Variants in ZNF676 observed in about 807,000 individuals in gnomAD.
ZNF676 encodes zinc finger protein 676.
In ZNF676, 4 loss-of-function variants were observed where a neutral mutation model predicts 6.0. That is an observed-to-expected ratio of 0.67 (90% CI 0.33 to 1.53). The LOEUF is 1.53. Among genes scored for constraint, ZNF676 ranks in the 40% most tolerant of loss-of-function variants. The probability of loss-of-function intolerance (pLI) is 0.06; values close to 1 mark genes in which losing one functional copy is unlikely to be tolerated. For synonymous variants in ZNF676, 198 were observed against 223.1 expected (o/e 0.89, Z 1.00); for missense variants, 644 against 679.7 (o/e 0.95, Z 0.58).
At chr19:22,183,830 A>T (rs2023794707) in intron 2 of ZNF676, among the ~76,000 whole-genome samples, 2 of 152,190 alleles carry the variant, frequency 1.3e-5, no homozygotes, top group African/African-American at 2.4e-5. Flanking sequence ...CATATTTTAT[A>T]AAATGCACTT....
rs1320610940 is a variant in ZNF676 at position 22,210,429 on chromosome 19, A to C, written c.3+5203T>G. 2.0e-5 allele frequency among the ~76,000 whole-genome samples: 3 copies of C among 152,136 alleles called. No homozygotes were observed. The East Asian group carries it at 5.8e-4, about 29-fold the overall frequency. On this transcript the variant is annotated intron_variant, in intron 1 of 3. Coordinates refer to the ZNF676 transcript ENST00000650058. The stretch of plus-strand genomic sequence containing the variant: ...TCCCATAACCTTTTTGAAATTCAGT[A>C]ATCTGATACAGCTACTCACAGAACT...
At chr19:22,214,504 C>T (rs536014922) in intron 1 of ZNF676, among the ~76,000 whole-genome samples, 1 of 147,960 alleles carries the variant, frequency 6.8e-6, no homozygotes, top group Non-Finnish European at 1.5e-5. Context: ...GAGGCTGAGG[C>T]AGGAGAATCG....
At chr19:22,205,315 C>A (rs1353376002) in intron 1 of ZNF676, among the ~76,000 whole-genome samples, 1 of 152,092 alleles carries the variant, frequency 6.6e-6, no homozygotes, top group Non-Finnish European at 1.5e-5. Flanking sequence ...TCCTAATAGA[C>A]ATCTACAGAA....
the ZNF676 span, among the ~76,000 whole-genome samples, chr19:22,258,815 C>T: frequency 6.6e-6 from 1 of 152,038 alleles, no homozygotes; most frequent in African/African-American, 2.4e-5. Flanking sequence ...TATCTGTGAC[C>T]TGAGCCCAGG....
the ZNF676 span, chr19:22,244,545 G>C: frequency 6.6e-6 from 1 of 152,204 alleles, no homozygotes; most frequent in Admixed American, 6.5e-5. Context: ...CATCACCTGG[G>C]TGCTGTATGA....
chr19:22,201,572 A>T (rs1284797573), upstream of ZNF676, among the ~76,000 whole-genome samples: 2 of 152,132 alleles, frequency 1.3e-5, no homozygotes, highest in South Asian at 2.1e-4. Context: ...GCTCTAGAAC[A>T]TTCTAAATAA....
At chr19:22,182,593 A>AAAAAAAAAAAAAAAGC (rs1356303631) in intron 2 of ZNF676, among the ~76,000 whole-genome samples, 5 of 90,928 alleles carry the variant, frequency 5.5e-5, no homozygotes, top group Non-Finnish European at 6.3e-5. Flanking sequence ...TCTAAAAAAA[A>AAAAAAAAAAAAAAAGC]AAAAAAAAAG....
At chr19:22,232,409 G>A in the ZNF676 span, among the ~76,000 whole-genome samples, 1 of 152,078 alleles carries the variant, frequency 6.6e-6, no homozygotes, top group South Asian at 2.1e-4. Flanking sequence ...CTTGTGATCT[G>A]CCTGCCTTGT....
At chr19:22,216,415 A>G (rs541452587), upstream of ZNF676, among the ~76,000 whole-genome samples, 1 of 150,724 alleles carries the variant, frequency 6.6e-6, no homozygotes, top group African/African-American at 2.4e-5. Context: ...GGCCTGGGCA[A>G]CAAGAGTGAA....
At chr19:22,228,256 C>T in the ZNF676 span, among the ~76,000 whole-genome samples, 26 of 152,240 alleles carry the variant, frequency 1.7e-4, no homozygotes, top group South Asian at 2.9e-3. Context: ...ACAAAAACCA[C>T]GTGATTATCT....
At chr19:22,196,558 C>T (rs1174349008) in intron 1 of ZNF676, 42 bp downstream of exon 1, 1 of 1,613,194 alleles carries the variant, frequency 6.2e-7, no homozygotes. Flanking sequence ...AAAATGAAAC[C>T]TGTAGTATAT....
At position 22,180,211 on chromosome 19, in the gene ZNF676, C is replaced by T. The variant is rs754118547; in HGVS notation, c.1506G>A (p.Glu502=). ...CACATTCTTCACATTTGTAGCGTTT[C>T]TCTCCAGTATGAATTATCTTATGTT... ...LTKHKIIHTG[E]KRYKCEECGK... The change falls in exon 3 of 3, where the codon GAG becomes GAA. Residue 502 remains glutamate (E), a synonymous_variant. Transcript: ENST00000397121. The T allele has an allele frequency of 2.5e-6, 4 of 1,613,802 alleles. No individual in the cohort carries two copies. The highest frequency in any genetic ancestry group is 2.5e-6 in the Non-Finnish European group (3 of 1,179,946).
chr19:22,241,755 C>T, the ZNF676 span, among the ~76,000 whole-genome samples: 2 of 151,962 alleles, frequency 1.3e-5, no homozygotes, highest in East Asian at 1.9e-4. Flanking sequence ...TTTAATTGAC[C>T]TGCTCCGGAG....
chr19:22,234,409 C>T, the ZNF676 span, among the ~76,000 whole-genome samples: 5 of 152,262 alleles, frequency 3.3e-5, no homozygotes, highest in South Asian at 4.1e-4. Context: ...TGCTCAAGCC[C>T]GATCACATAT....
chr19:22,183,380 C>T (rs942642211), intron 2 of ZNF676, among the ~76,000 whole-genome samples: 31 of 152,064 alleles, frequency 2.0e-4, no homozygotes. Flanking sequence ...TCTTGTTGCC[C>T]AGGCTGGAGT....
rs1481320780 is a variant in ZNF676 at position 22,193,040 on chromosome 19, G to T, written c.106C>A (p.His36Asn). The change falls in exon 2 of 3, where the codon CAT becomes AAT. Residue 36 changes from histidine to asparagine, a missense_variant. Physicochemically the swap from His to Asn is moderately conservative, Grantham distance 68. Transcript: ENST00000397121. ...QGKEPWNMKRHEMVEEPPVIC... is the reference protein window; with the variant it reads ...QGKEPWNMKRNEMVEEPPVIC... ...CCTGGGGGTTCTTCCACCATCTCAT[G>T]TCTCTTCATATTCCAGGGCTCTTTT... The T allele has an allele frequency of 6.2e-7, 1 of 1,609,760 alleles. No individual in the cohort carries two copies. The highest frequency in any genetic ancestry group is 8.5e-7 in the Non-Finnish European group (1 of 1,178,300).
intron 2 of ZNF676, among the ~76,000 whole-genome samples, chr19:22,185,581 C>T (rs2023826962): frequency 6.6e-6 from 1 of 151,736 alleles, no homozygotes; most frequent in African/African-American, 2.4e-5. Context: ...TAACAAACTC[C>T]TCCAAGCTAA....
At chr19:22,216,752 T>C (rs1255406627), upstream of ZNF676, among the ~76,000 whole-genome samples, 1 of 151,096 alleles carries the variant, frequency 6.6e-6, no homozygotes, top group Non-Finnish European at 1.5e-5. Flanking sequence ...GCCTCCCGAG[T>C]AGCTGGGATT....
In ZNF676 at chr19:22,196,795, G is replaced by A; in HGVS notation, c.-162C>T. ...GGCAGAACTTTTAATGTGACTCAAG[G>A]TAAAATGGAGAGAGTAGAGAGAGCT... is the stretch of plus-strand genomic sequence containing the variant. On this transcript the variant is annotated 5_prime_UTR_variant, in exon 1 of 3. Transcript: ENST00000397121. The A allele has an allele frequency of 7.4e-7, 1 of 1,345,286 alleles. No homozygotes were observed. The highest frequency in any genetic ancestry group is 1.0e-6 in the Non-Finnish European group (1 of 954,028). The allele number at this position is 1,345,286 out of a possible 1,614,324, so 83.3% of individuals were successfully genotyped here.
Sources: allele counts gnomAD v4.1 joint callset (sites outside exome capture counted in the v4.1 genomes callset), GRCh38; gene constraint gnomAD v4.1.1; transcripts MANE v1.5; gene names NCBI Gene and HGNC (gene_info 2026-07-23, HGNC 2026-07-21).